The following MSI2 variants were observed in gnomAD, a reference collection of about 807,000 sequenced individuals.
MSI2 encodes musashi RNA binding protein 2.
MSI2 carries 17 observed loss-of-function variants against 45.6 expected under a neutral mutation model. The ratio of observed to expected loss-of-function variants is 0.37; its 90% CI spans 0.26 to 0.56. The LOEUF (loss-of-function observed/expected upper bound fraction) is 0.56, where lower values mean the gene tolerates loss of function less well. MSI2 is among the 20% of genes least tolerant of loss of function. The pLI is 0.77. For missense variants in MSI2, 293 were observed against 444.2 expected, an observed-to-expected ratio of 0.66 and a Z score of 3.06; for synonymous variants, 156 against 158.2, an observed-to-expected ratio of 0.99 and a Z score of 0.11.
At chr17:57,274,593 C>T (rs764906716) in intron 5 of MSI2, 3 of 152,144 alleles carry the variant, frequency 2.0e-5, no homozygotes, top group Admixed American at 6.5e-5. Flanking sequence ...AGTTGGAGAA[C>T]GCTAAGTACT....
chr17:57,569,524 T>G (rs1038038490), intron 7 of MSI2, among the ~76,000 whole-genome samples: 2 of 152,152 alleles, frequency 1.3e-5, no homozygotes, highest in African/African-American at 4.8e-5. Flanking sequence ...AGCCTGAGGC[T>G]CCAAAACAGG....
intron 5 of MSI2, among the ~76,000 whole-genome samples, chr17:57,337,218 A>G (rs1018471914): frequency 6.6e-5 from 10 of 152,346 alleles, no homozygotes; most frequent in African/African-American, 2.4e-4. Context: ...TACAGAAGCC[A>G]GTATTAGACT....
intron 6 of MSI2, among the ~76,000 whole-genome samples, chr17:57,511,496 A>T (rs182827609): frequency 3.9e-5 from 6 of 152,220 alleles, no homozygotes; most frequent in Non-Finnish European, 5.9e-5. Flanking sequence ...TTTCGAGACC[A>T]TCTGGGCTCA....
chr17:57,273,068 A>G (rs539035976), intron 5 of MSI2, among the ~76,000 whole-genome samples: 1 of 152,310 alleles, frequency 6.6e-6, no homozygotes, highest in East Asian at 1.9e-4. Context: ...TACCTGGGGA[A>G]AAAGGATCAA....
At position 57,256,754 on chromosome 17, in the gene MSI2, T is replaced by A; in HGVS notation, c.12T>A (p.Asn4Lys). 7.1e-7 allele frequency: 1 copy of A among 1,408,470 alleles called. No homozygotes were observed. The highest frequency in any genetic ancestry group is 2.6e-4 in the Middle Eastern group (1 of 3,804). The allele number at this position is 1,408,470 out of a possible 1,614,324, so 87.2% of individuals were successfully genotyped here. The change falls in exon 1 of 14, where the codon AAT becomes AAA. Residue 4 changes from asparagine to lysine, a missense_variant. Physicochemically the swap from Asn to Lys is moderately conservative, Grantham distance 94. Transcript: ENST00000284073. ...GGGGGGGCTCAGATATGGAGGCAAA[T>A]GGGAGCCAAGGCACCTCGGGCAGCG... MEANGSQGTSGSAN... is the reference protein window; with the variant it reads MEAKGSQGTSGSAN...
At position 57,652,275 on chromosome 17, in the gene MSI2, G is replaced by A; in HGVS notation, c.790+114G>A. ...TCTGTCCAACACCACTCTCACCACA[G>A]CCCCGGGGAGGGGGTGGACGGGGAG... On this transcript the variant is annotated intron_variant, in intron 11 of 13. Transcript: ENST00000284073. This position sits in a 1 kb window ranked among gnomAD's most constrained non-coding sequence, Gnocchi z 4.1. The A allele has an allele frequency of 9.2e-7, 1 of 1,090,040 alleles. No homozygotes were observed. Among genetic ancestry groups the A allele is most frequent in the Non-Finnish European group, 1.4e-6 (1 of 739,660 alleles). 67.5% of individuals were successfully genotyped at this position (1,090,040 alleles called of 1,614,324 possible). A position where few individuals can be genotyped will look rare whatever the true frequency, so the allele number is the denominator to read the frequency against.
chr17:57,360,389 A>AGGCT (rs1425622013), intron 5 of MSI2, among the ~76,000 whole-genome samples: 1 of 152,178 alleles, frequency 6.6e-6, no homozygotes, highest in African/African-American at 2.4e-5. Context: ...TCTCTAGGAG[A>AGGCT]GGCTAGTCAG....
chr17:57,615,761 A>T (rs1314957538), intron 8 of MSI2, among the ~76,000 whole-genome samples: 1 of 152,160 alleles, frequency 6.6e-6, no homozygotes, highest in African/African-American at 2.4e-5. Flanking sequence ...ACCCAGTTTC[A>T]TCCTTGTAGG....
intron 5 of MSI2, among the ~76,000 whole-genome samples, chr17:57,377,076 A>G (rs992167546): frequency 2.0e-4 from 30 of 151,980 alleles, no homozygotes; most frequent in Admixed American, 2.6e-4. Context: ...GCCCGCCACC[A>G]CGCCCAGCTA....
intron 5 of MSI2, among the ~76,000 whole-genome samples, chr17:57,290,528 G>T (rs1288769060): frequency 1.3e-5 from 2 of 152,194 alleles, no homozygotes; most frequent in East Asian, 3.9e-4. Flanking sequence ...CCAGGTGGGG[G>T]TCTCTAACTC....
intron 5 of MSI2, among the ~76,000 whole-genome samples, chr17:57,326,412 A>G (rs955969416): frequency 2.0e-5 from 3 of 152,174 alleles, no homozygotes; most frequent in Non-Finnish European, 4.4e-5. Flanking sequence ...CTGCAAGCAG[A>G]AACACCTACA....
At chr17:57,697,170 TCTC>T in the MSI2 span, among the ~76,000 whole-genome samples, 1 of 123,020 alleles carries the variant, frequency 8.1e-6, no homozygotes, top group Non-Finnish European at 1.8e-5. Flanking sequence ...ACACAGGCTC[TCTC>T]CTCACATATG....
chr17:57,575,152 C>CCA (rs1555626245), intron 7 of MSI2, among the ~76,000 whole-genome samples: 1 of 105,622 alleles, frequency 9.5e-6, no homozygotes, highest in African/African-American at 4.4e-5. Context: ...TTAACTCCCT[C>CCA]CCCCCGCCAC....
At chr17:57,584,004 C>T (rs2088277488) in intron 7 of MSI2, among the ~76,000 whole-genome samples, 1 of 152,184 alleles carries the variant, frequency 6.6e-6, no homozygotes, top group Non-Finnish European at 1.5e-5. Context: ...GATTCAGGTT[C>T]AGTGGGTCCA....
At chr17:57,495,298 C>G (rs2085953859) in intron 6 of MSI2, among the ~76,000 whole-genome samples, 1 of 151,960 alleles carries the variant, frequency 6.6e-6, no homozygotes, top group Admixed American at 6.6e-5. Flanking sequence ...TTTGGGAGGC[C>G]GAGGCAGGCG....
In MSI2 at chr17:57,413,170, C is replaced by T. The variant is rs573030329; in HGVS notation, c.405+11699C>T. Among the ~76,000 whole-genome samples the T allele has an allele frequency of 4.6e-5, 7 of 152,298 alleles. No individual in the cohort carries two copies. The East Asian group carries it at 1.3e-3, about 29-fold the overall frequency. On this transcript the variant is annotated intron_variant, in intron 6 of 13. Transcript: ENST00000284073. ...CAGCCTTTATATACACACACACACACACTCTCTCTCTCTCTGTCTGTCTCG... is the reference window on the plus strand; with the variant it reads ...CAGCCTTTATATACACACACACACATACTCTCTCTCTCTCTGTCTGTCTCG...
intron 11 of MSI2, among the ~76,000 whole-genome samples, chr17:57,672,725 G>A (rs1194637151): frequency 2.0e-5 from 3 of 152,184 alleles, no homozygotes; most frequent in Admixed American, 6.5e-5. Context: ...TATAGGGAGG[G>A]GTTTCAGCTG....
At chr17:57,276,161 T>C (rs1472558647) in intron 5 of MSI2, among the ~76,000 whole-genome samples, 1 of 152,252 alleles carries the variant, frequency 6.6e-6, no homozygotes, top group Non-Finnish European at 1.5e-5. Context: ...GACAAACCCA[T>C]GTCATCATTG....
intron 6 of MSI2, among the ~76,000 whole-genome samples, chr17:57,475,580 C>T: frequency 6.6e-6 from 1 of 152,018 alleles, no homozygotes; most frequent in East Asian, 1.9e-4. Flanking sequence ...GAAAATTTAC[C>T]TTTAAAACAA....
Sources: gnomAD v4.1 joint callset for allele counts (sites outside exome capture counted in the v4.1 genomes callset) on GRCh38, gnomAD v4.1.1 for gene constraint, Gnocchi (gnomAD v3.1) non-coding constraint, MANE v1.5 for transcripts, NCBI Gene and HGNC (gene_info 2026-07-23, HGNC 2026-07-21) for gene names.